Variants in MED12L observed in about 807,000 individuals in gnomAD.
MED12L encodes mediator of RNA polymerase II transcription subunit 12-like protein.
A neutral mutation model predicts 281.3 loss-of-function variants in MED12L; 60 were observed. The ratio of observed to expected loss-of-function variants is 0.21; its 90% confidence interval spans 0.17 to 0.26. The LOEUF is 0.26. Ranked by LOEUF, MED12L falls within the 10% of genes least tolerant of loss-of-function variation. MED12L has a pLI of 1.00. For synonymous variants in MED12L, 974 were observed against 987.2 expected (o/e 0.99, Z 0.25); for missense variants, 2,146 against 2,680.9 (o/e 0.80, Z 4.41).
rs989525113 is a variant in MED12L at position 151,435,781 on chromosome 3, A to AT, written c.*2981dup. 4 of 152,136 alleles carry AT rather than the reference A, an allele frequency of 2.6e-5. No homozygotes were observed. Among genetic ancestry groups the AT allele is most frequent in the Non-Finnish European group, 5.9e-5 (4 of 68,004 alleles). The allele number at this position is 152,136 out of a possible 1,614,324, so 9.4% of individuals were successfully genotyped here. A position where few individuals can be genotyped will look rare whatever the true frequency, so the allele number is the denominator to read the frequency against. On this transcript the variant is annotated 3_prime_UTR_variant, in exon 45 of 45. Transcript: ENST00000687756. Reference sequence around the variant, plus strand: ...TAAATTCAGTGAATTACAAAAACACATTTTGTGTAGGATTGATCAGATTTT... The same window carrying AT: ...TAAATTCAGTGAATTACAAAAACACATTTTTGTGTAGGATTGATCAGATTTT...
intron 2 of MED12L, among the ~76,000 whole-genome samples, chr3:151,088,149 C>G (rs986377983): frequency 3.3e-5 from 5 of 152,154 alleles, no homozygotes; most frequent in African/African-American, 9.7e-5. Flanking sequence ...CTTGTTCTGG[C>G]TAAACTGTCT....
rs1288503207 is a variant in MED12L, at chr3:151,156,263, C to T, written c.659C>T (p.Pro220Leu). ...SSTGDGPVPVPPEVEQAMKQW... is the reference protein window; with the variant it reads ...SSTGDGPVPVLPEVEQAMKQW... ...ACGGGCGATGGCCCTGTCCCTGTGC[C>T]ACCAGAGGTGGAGCAAGCCATGAAG... Residue 220 changes from proline to leucine, a missense_variant, in exon 6 of 45, where the codon CCA (proline) becomes CTA (leucine). Pro to Leu is a moderately conservative substitution (Grantham distance 98, BLOSUM62 -3). Around this residue, in one of 9 missense-constraint regions of MED12L, gnomAD observed 722 missense variants for 861.2 expected, o/e 0.84. Transcript: ENST00000687756. 6.2e-7 allele frequency: 1 copy of T among 1,613,076 alleles called. No individual in the cohort carries two copies. The highest frequency in any genetic ancestry group is 8.5e-7 in the Non-Finnish European group (1 of 1,179,668).
chr3:151,227,998 T>C (rs575935208), intron 16 of MED12L, among the ~76,000 whole-genome samples: 1 of 152,314 alleles, frequency 6.6e-6, no homozygotes, highest in African/African-American at 2.4e-5. Context: ...GACCCCTTAA[T>C]GGTAGGTATG....
intron 16 of MED12L, chr3:151,338,802 C>G: frequency 1.9e-6 from 3 of 1,613,898 alleles, no homozygotes; most frequent in Non-Finnish European, 2.5e-6. Context: ...GGTGCACAGA[C>G]TGGTGTTACC....
intron 16 of MED12L, among the ~76,000 whole-genome samples, chr3:151,204,413 A>G (rs1002865935): frequency 3.1e-4 from 47 of 152,354 alleles, no homozygotes; most frequent in African/African-American, 1.1e-3. Flanking sequence ...GTCACGTCTC[A>G]GGTATTCTGA....
At chr3:151,172,597 C>A (rs1479805974) in intron 11 of MED12L, among the ~76,000 whole-genome samples, 1 of 152,172 alleles carries the variant, frequency 6.6e-6, no homozygotes, top group Non-Finnish European at 1.5e-5. Context: ...GGCATTGATC[C>A]ACTCAGGATG....
intron 16 of MED12L, among the ~76,000 whole-genome samples, chr3:151,284,137 T>C (rs1473540176): frequency 6.6e-6 from 1 of 152,230 alleles, no homozygotes; most frequent in African/African-American, 2.4e-5. Context: ...TAAACAGTGC[T>C]GCTTGTCATC....
intron 43 of MED12L, among the ~76,000 whole-genome samples, chr3:151,425,959 A>G (rs2108453902): frequency 6.6e-6 from 1 of 152,322 alleles, no homozygotes; most frequent in African/African-American, 2.4e-5. Flanking sequence ...AACATCTGCA[A>G]AGGCACAGAG....
At chr3:151,188,243 A>T (rs1723526783) in intron 12 of MED12L, 111 bp from the exon 13 acceptor site, 4 of 759,118 alleles carry the variant, frequency 5.3e-6, no homozygotes, top group Non-Finnish European at 8.4e-6. Flanking sequence ...ATATCAATTA[A>T]TTTTACATGT....
rs754485666 is a variant in MED12L, at chr3:151,338,307, G to C, written c.2251-11752G>C. The C allele has an allele frequency of 5.0e-6, 8 of 1,613,972 alleles. No homozygotes were observed. The East Asian group carries it at 1.3e-4, about 27-fold the overall frequency. ...TTCATGCCAGACTAGACCGAACTCT[G>C]ATTTAAGGAAAGAGCATTTCTTCAC... On this transcript the variant is annotated intron_variant, in intron 16 of 44. Coordinates refer to ENST00000687756, the MANE Select transcript of MED12L (RefSeq NM_001393769.1).
intron 2 of MED12L, among the ~76,000 whole-genome samples, chr3:151,110,330 A>G (rs1245240682): frequency 1.3e-5 from 2 of 152,188 alleles, no homozygotes; most frequent in African/African-American, 4.8e-5. Flanking sequence ...GCCTAATACC[A>G]TTAAGTGTCC....
chr3:151,414,830 C>G (rs1276906615), intron 42 of MED12L, among the ~76,000 whole-genome samples: 1 of 152,134 alleles, frequency 6.6e-6, no homozygotes. Flanking sequence ...TAAAAGCTCT[C>G]TAATCCTGTT....
chr3:151,258,696 A>C (rs891311524), intron 16 of MED12L, among the ~76,000 whole-genome samples: 1 of 151,896 alleles, frequency 6.6e-6, no homozygotes, highest in Non-Finnish European at 1.5e-5. Context: ...CTAAAAATAC[A>C]AAAAAATTAG....
At position 151,433,576 on chromosome 3, in the gene MED12L, A is replaced by T. The variant is rs1719769165; in HGVS notation, c.*772A>T. ...ATGAGAGTCATTGTGAAGGTACAAC[A>T]TGTAAATCCTAAAGGCCTGAAAGAA... is the stretch of plus-strand genomic sequence containing the variant. On this transcript the variant is annotated 3_prime_UTR_variant, in exon 45 of 45. Coordinates refer to ENST00000687756, the MANE Select transcript of MED12L (RefSeq NM_001393769.1). The T allele has an allele frequency of 6.6e-6, 1 of 152,440 alleles. No individual in the cohort carries two copies. Among genetic ancestry groups the T allele is most frequent in the Admixed American group, 6.5e-5 (1 of 15,286 alleles). 9.4% of individuals were successfully genotyped at this position (152,440 alleles called of 1,614,324 possible).
chr3:151,251,111 T>C (rs1016816713), intron 16 of MED12L, among the ~76,000 whole-genome samples: 1 of 152,206 alleles, frequency 6.6e-6, no homozygotes, highest in African/African-American at 2.4e-5. Context: ...TGATGTTTTA[T>C]GGATTCCATC....
At chr3:151,183,737 A>C (rs1301272990) in intron 11 of MED12L, among the ~76,000 whole-genome samples, 1 of 152,238 alleles carries the variant, frequency 6.6e-6, no homozygotes, top group Non-Finnish European at 1.5e-5. Context: ...CTCACATAAA[A>C]TCTTCAGTGG....
rs143048351 is a variant in MED12L, at chr3:151,411,391, G to C, written c.6024G>C (p.Pro2008=). 1.2e-6 allele frequency: 2 copies of C among 1,614,096 alleles called. No individual in the cohort carries two copies. The highest frequency in any genetic ancestry group is 1.7e-6 in the Non-Finnish European group (2 of 1,180,028). The change falls in exon 41 of 45, where the codon CCG becomes CCC. Residue 2008 remains proline, a synonymous_variant. Transcript: ENST00000687756. ...LSPSYNSRAY[P]AAHSNPVLME... ...CCAGCTATAACTCCAGAGCCTATCC[G>C]GCCGCACATTCCAACCCCGTGCTAA... is the stretch of plus-strand genomic sequence containing the variant.
At chr3:151,355,398 CAGGTTGCCTTCCTCGA>C (rs1338049545) in intron 18 of MED12L, among the ~76,000 whole-genome samples, 159 bp downstream of exon 18, 1 of 152,108 alleles carries the variant, frequency 6.6e-6, no homozygotes, top group Non-Finnish European at 1.5e-5. Context: ...TTTTAAGTGT[CAGGTTGCCTTCCTCGA>C]AGGATTAATT....
Position 151,400,017 on chromosome 3 carries a change from G to A in MED12L, c.5820+5150G>A, listed in dbSNP as rs543058069. Among the ~76,000 whole-genome samples, 247 of 152,306 alleles carry A rather than the reference G, an allele frequency of 1.6e-3. 2 individuals carry two copies. The highest frequency in any genetic ancestry group is 5.8e-3 in the African/African-American group (243 of 41,576). Reference sequence around the variant, plus strand: ...GATTTTTGTATTTGTAATAGAGACAGTGTTTTACCATGTTGGCCAGGCTGG... The same window carrying A: ...GATTTTTGTATTTGTAATAGAGACAATGTTTTACCATGTTGGCCAGGCTGG... On this transcript the variant is annotated intron_variant, in intron 39 of 44. Transcript: ENST00000687756.
Sources: gnomAD v4.1 joint callset for allele counts (sites outside exome capture counted in the v4.1 genomes callset) on GRCh38, gnomAD v4.1.1 for gene constraint, gnomAD v4.1.1 regional missense constraint, MANE v1.5 for transcripts, NCBI Gene and HGNC (gene_info 2026-07-23, HGNC 2026-07-21) for gene names.